Variants in PCDH15 observed in about 807,000 individuals in gnomAD.
PCDH15 encodes protocadherin related 15.
A neutral mutation model predicts 178.5 loss-of-function variants in PCDH15; 129 were observed. That is an observed-to-expected ratio of 0.72 (90% CI 0.63 to 0.84). PCDH15 has a LOEUF of 0.84. Ranked by LOEUF, PCDH15 falls within the 40% of genes least tolerant of loss-of-function variation. The pLI, the probability that PCDH15 is intolerant of heterozygous loss-of-function variation, is 0.00. For synonymous variants in PCDH15, 800 were observed against 732.0 expected (o/e 1.09, Z -1.50); for missense variants, 2,230 against 2,099.9 (o/e 1.06, Z -1.21).
chr10:54,358,629 A>T (rs1391130621), intron 5 of PCDH15, among the ~76,000 whole-genome samples: 1 of 152,010 alleles, frequency 6.6e-6, no homozygotes, highest in African/African-American at 2.4e-5. Context: ...TAGAACTAGA[A>T]ATACCATTTG....
intron 26 of PCDH15, among the ~76,000 whole-genome samples, chr10:53,888,136 T>C (rs900001724): frequency 2.9e-4 from 44 of 151,214 alleles, no homozygotes; most frequent in Admixed American, 1.3e-3. Context: ...AACCCACTCA[T>C]GCAGTTTTTC....
intron 2 of PCDH15, among the ~76,000 whole-genome samples, chr10:55,327,451 T>C (rs1032614390): frequency 2.6e-5 from 4 of 152,026 alleles, no homozygotes; most frequent in Non-Finnish European, 5.9e-5. Context: ...AGGGAAAATG[T>C]TGAGGCTGTT....
At chr10:55,313,461 A>AAT (rs1843643240) in intron 1 of PCDH15, among the ~76,000 whole-genome samples, 2 of 152,312 alleles carry the variant, frequency 1.3e-5, no homozygotes, top group East Asian at 1.9e-4. Flanking sequence ...AATTTTGTGT[A>AAT]AAGGTTACCC....
At chr10:54,606,891 A>G (rs569356215) in intron 2 of PCDH15, 28 of 152,260 alleles carry the variant, frequency 1.8e-4, no homozygotes, top group African/African-American at 6.7e-4. Context: ...TGAGAGAGGA[A>G]GAGCCTTATA....
Position 54,111,484 on chromosome 10 carries a change from C to A in PCDH15, c.1917+21391G>T, listed in dbSNP as rs574863720. Among the ~76,000 whole-genome samples the A allele has an allele frequency of 3.3e-5, 5 of 152,010 alleles. No homozygotes were observed. The East Asian group carries it at 7.8e-4, about 24-fold the overall frequency. On this transcript the variant is annotated intron_variant, in intron 15 of 37. Coordinates refer to ENST00000644397, the MANE Select transcript of PCDH15 (RefSeq NM_001384140.1). ...ACAGGTTTAGAAATTGTAAGCTTTT[C>A]TTTGGGTCATACAATGGGCTTTTGG...
At chr10:53,903,764 A>G (rs1336684818) in intron 25 of PCDH15, among the ~76,000 whole-genome samples, 4 of 152,194 alleles carry the variant, frequency 2.6e-5, no homozygotes, top group African/African-American at 7.2e-5. Flanking sequence ...GCCATAAACT[A>G]TTATATGAAT....
chr10:55,170,261 T>G (rs900517973), intron 1 of PCDH15, among the ~76,000 whole-genome samples: 2 of 151,994 alleles, frequency 1.3e-5, no homozygotes, highest in Admixed American at 1.3e-4. Flanking sequence ...GCAATCCTCC[T>G]GCCTCAGCCC....
At chr10:55,355,646 A>G (rs1159238017) in intron 2 of PCDH15, among the ~76,000 whole-genome samples, 2 of 151,864 alleles carry the variant, frequency 1.3e-5, no homozygotes, top group African/African-American at 4.8e-5. Context: ...TTTGTATACA[A>G]TTCTCTTGTT....
intron 3 of PCDH15, among the ~76,000 whole-genome samples, chr10:54,436,106 GGAAGGAAA>G (rs1445282287): frequency 2.3e-4 from 34 of 145,234 alleles, no homozygotes; most frequent in Non-Finnish European, 3.4e-4. Context: ...AAGGAGGGAA[GGAAGGAAA>G]GAAGGAAAGA....
At chr10:54,568,919 T>C (rs1381964527) in intron 2 of PCDH15, among the ~76,000 whole-genome samples, 2 of 152,068 alleles carry the variant, frequency 1.3e-5, no homozygotes, top group Non-Finnish European at 2.9e-5. Flanking sequence ...AAAAAATTTT[T>C]GATTGCCATT....
chr10:53,972,725 T>G (rs1667578830), intron 21 of PCDH15, among the ~76,000 whole-genome samples: 1 of 151,960 alleles, frequency 6.6e-6, no homozygotes, highest in South Asian at 2.1e-4. Flanking sequence ...GAAATGCAAA[T>G]CAAAACCACA....
At chr10:55,168,598 T>A (rs1839254558) in intron 1 of PCDH15, among the ~76,000 whole-genome samples, 1 of 152,180 alleles carries the variant, frequency 6.6e-6, no homozygotes, top group Admixed American at 6.5e-5. Flanking sequence ...CTGTGCTTTG[T>A]GTCGATTTAG....
chr10:53,901,410 A>G (rs948452926), intron 26 of PCDH15, among the ~76,000 whole-genome samples: 3 of 151,976 alleles, frequency 2.0e-5, no homozygotes, highest in African/African-American at 7.2e-5. Flanking sequence ...GGCAAATCCT[A>G]TATGTTCTAT....
In PCDH15 at chr10:55,540,594, G is replaced by A. The variant is rs528942491; in HGVS notation, c.-156+87031C>T. Among the ~76,000 whole-genome samples, 49 of 152,086 alleles carry A rather than the reference G, an allele frequency of 3.2e-4. No homozygotes were observed. The South Asian group carries it at 9.7e-3, about 30-fold the overall frequency. ...AAGGGATCTTAAGAAGTAAATTCTA[G>A]GCTTATGCAAAAAAATTAAAGATGC... On this transcript the variant is annotated intron_variant, in intron 2 of 5. Transcript: ENST00000613346.
In PCDH15 at chr10:54,076,590, A is replaced by G. The variant is rs575651586; in HGVS notation, c.2091+2741T>C. The stretch of plus-strand genomic sequence containing the variant: ...AATCTTCAAAAAAAAATTAGAATCG[A>G]AAAAGTATAGTTTTATCTGTACCCC... On this transcript the variant is annotated intron_variant, in intron 17 of 37. Transcript: ENST00000644397. Among the ~76,000 whole-genome samples the G allele has an allele frequency of 2.3e-3, 354 of 152,220 alleles. 2 individuals carry two copies. Among genetic ancestry groups the G allele is most frequent in the African/African-American group, 8.3e-3 (344 of 41,554 alleles).
intron 2 of PCDH15, among the ~76,000 whole-genome samples, chr10:54,563,324 T>A (rs2088496243): frequency 6.6e-6 from 1 of 152,136 alleles, no homozygotes; most frequent in Non-Finnish European, 1.5e-5. Flanking sequence ...GAACTTCCGC[T>A]TTTTTAGCGC....
intron 2 of PCDH15, among the ~76,000 whole-genome samples, chr10:55,093,264 TA>T (rs768917961): frequency 1.3e-5 from 2 of 152,130 alleles, no homozygotes; most frequent in Non-Finnish European, 2.9e-5. Flanking sequence ...TGAACCTAGC[TA>T]CTACATAATG....
At chr10:54,986,305 C>T (rs1468455096) in intron 2 of PCDH15, among the ~76,000 whole-genome samples, 2 of 147,896 alleles carry the variant, frequency 1.4e-5, no homozygotes, top group African/African-American at 5.1e-5. Flanking sequence ...CAAGCAAGAG[C>T]AAAATACAGC....
intron 2 of PCDH15, among the ~76,000 whole-genome samples, chr10:55,097,550 G>T (rs911511687): frequency 9.9e-5 from 15 of 152,128 alleles, no homozygotes; most frequent in Non-Finnish European, 1.8e-4. Flanking sequence ...TAAATTAAAG[G>T]ATAGAAAACT....
Sources: allele counts gnomAD v4.1 joint callset (sites outside exome capture counted in the v4.1 genomes callset), GRCh38; gene constraint gnomAD v4.1.1; transcripts MANE v1.5; gene names NCBI Gene and HGNC (gene_info 2026-07-23, HGNC 2026-07-21).